Variants in NAV2 observed in about 807,000 individuals in gnomAD.
The protein encoded by NAV2 is helicase, APC down-regulated 1.
NAV2 carries 54 observed loss-of-function variants against 223.2 expected under a neutral mutation model. The observed-to-expected ratio is 0.24, with a 90% CI of 0.19 to 0.30. The LOEUF (loss-of-function observed/expected upper bound fraction) is 0.30. Among genes scored for constraint, NAV2 ranks in the 10% least tolerant of loss-of-function variants. The pLI is 1.00. For synonymous variants in NAV2, 1,279 were observed against 1,239.3 expected (o/e 1.03, Z -0.67); for missense variants, 2,806 against 3,147.5 (o/e 0.89, Z 2.60).
At chr11:20,035,858 G>A (rs1299017929) in intron 11 of NAV2, 101 bp from the exon 12 acceptor site, 5 of 1,404,736 alleles carry the variant, frequency 3.6e-6, no homozygotes, top group Non-Finnish European at 4.9e-6. Context: ...TCATGGCACA[G>A]ATTGGATCTT....
intron 1 of NAV2, among the ~76,000 whole-genome samples, chr11:19,402,164 AT>A (rs1849714368): frequency 6.6e-6 from 1 of 152,160 alleles, no homozygotes; most frequent in Non-Finnish European, 1.5e-5. Context: ...ACCTCTCTAG[AT>A]GGTAGGAGAA....
intron 10 of NAV2, among the ~76,000 whole-genome samples, chr11:19,962,098 A>G (rs902235546): frequency 6.6e-6 from 1 of 151,668 alleles, no homozygotes; most frequent in African/African-American, 2.4e-5. Flanking sequence ...GAGCTGCAAC[A>G]TCAACTCCTC....
chr11:19,688,117 A>G (rs1219185905), intron 1 of NAV2, among the ~76,000 whole-genome samples: 2 of 152,228 alleles, frequency 1.3e-5, no homozygotes, highest in East Asian at 1.9e-4. Context: ...GGGAAGGTCT[A>G]CCTAGAGTTG....
chr11:19,415,994 A>G (rs1850350577), intron 1 of NAV2, among the ~76,000 whole-genome samples: 1 of 152,218 alleles, frequency 6.6e-6, no homozygotes, highest in Admixed American at 6.5e-5. Context: ...CATCATACTA[A>G]ATGGGCAAAA....
At chr11:19,840,683 G>GT (rs996365789) in intron 2 of NAV2, among the ~76,000 whole-genome samples, 5 of 152,198 alleles carry the variant, frequency 3.3e-5, no homozygotes, top group African/African-American at 1.2e-4. Flanking sequence ...CAAGTGTTTG[G>GT]TTTTTTTGGA....
At position 19,933,193 on chromosome 11, in the gene NAV2, G is replaced by C. The variant is rs1423601403; in HGVS notation, c.949G>C (p.Ala317Pro). 3 of 1,536,452 alleles carry C rather than the reference G, an allele frequency of 2.0e-6. No homozygotes were observed. The African/African-American group carries it at 4.1e-5, about 21-fold the overall frequency. The part of the protein sequence containing the change: ...SHEKEPLASS[A>P]SSHPGMSDNA... ...CTCTGCAGAGCCTTTGGCAAGTTCA[G>C]CCTCCTCCCACCCCGGAATGAGTGA... Residue 317 changes from alanine to proline, a missense_variant, in exon 7 of 38, where the codon GCC becomes CCC. Transcript: ENST00000349880. The surrounding 1 kb of genome is among the most constrained non-coding windows in gnomAD (Gnocchi z 4.3).
At chr11:19,558,471 A>C (rs7113364) in intron 1 of NAV2, among the ~76,000 whole-genome samples, 14,282 of 152,236 alleles carry the variant, frequency 0.094, 2,244 homozygotes, top group African/African-American at 0.33. Flanking sequence ...ATCAGGTTCA[A>C]GAGGTTGAAA....
intron 1 of NAV2, among the ~76,000 whole-genome samples, chr11:19,768,928 G>A (rs2055468208): frequency 6.6e-6 from 1 of 152,174 alleles, no homozygotes; most frequent in Non-Finnish European, 1.5e-5. Flanking sequence ...CACTTGTCTT[G>A]AGAACCTATG....
chr11:19,353,413 G>A (rs972862705), intron 1 of NAV2, among the ~76,000 whole-genome samples: 6 of 152,166 alleles, frequency 3.9e-5, no homozygotes, highest in Non-Finnish European at 7.4e-5. Flanking sequence ...GTGGGTACGT[G>A]CATATACCTT....
chr11:19,570,771 A>T (rs986178645), intron 1 of NAV2, among the ~76,000 whole-genome samples: 1 of 152,354 alleles, frequency 6.6e-6, no homozygotes, highest in Admixed American at 6.5e-5. Flanking sequence ...TACAATTTTT[A>T]AAAAATTGAA....
chr11:19,532,352 GT>G (rs1184595425), intron 1 of NAV2, among the ~76,000 whole-genome samples: 1 of 152,130 alleles, frequency 6.6e-6, no homozygotes, highest in African/African-American at 2.4e-5. Flanking sequence ...TTTCTCATCA[GT>G]AATATGCAAG....
chr11:19,972,428 C>T (rs2049329078), intron 10 of NAV2, among the ~76,000 whole-genome samples: 1 of 152,176 alleles, frequency 6.6e-6, no homozygotes, highest in African/African-American at 2.4e-5. Context: ...CCCTTGAAGG[C>T]CAAAGGTCTA....
At chr11:19,377,227 G>C (rs7111228) in intron 1 of NAV2, among the ~76,000 whole-genome samples, 1 of 152,180 alleles carries the variant, frequency 6.6e-6, no homozygotes, top group Admixed American at 6.5e-5. Flanking sequence ...AGGGCAAATA[G>C]GAATGTTGTC....
At chr11:19,743,102 CT>C (rs1402651654) in intron 1 of NAV2, among the ~76,000 whole-genome samples, 2 of 152,128 alleles carry the variant, frequency 1.3e-5, no homozygotes, top group Non-Finnish European at 2.9e-5. Flanking sequence ...TCTACTCCCC[CT>C]ATTTGGGATT....
chr11:19,385,332 T>A (rs1424406059), intron 1 of NAV2, among the ~76,000 whole-genome samples: 2 of 152,198 alleles, frequency 1.3e-5, no homozygotes. Flanking sequence ...CATGCACTTA[T>A]CCAACAGTTA....
chr11:19,727,321 A>T (rs1415896620), intron 1 of NAV2, among the ~76,000 whole-genome samples: 2 of 152,164 alleles, frequency 1.3e-5, no homozygotes, highest in Non-Finnish European at 2.9e-5. Flanking sequence ...GCCTCTCTAG[A>T]TCCTTCAGCA....
Position 19,651,468 on chromosome 11 carries a change from T to C in NAV2, c.76-181016T>C, listed in dbSNP as rs2047966201. Reference sequence around the variant, plus strand: ...GTAAGACGTGCTTGTTGGAATGTCCTTCACTGCACACCCCACCGGGCCACA... The same window carrying C: ...GTAAGACGTGCTTGTTGGAATGTCCCTCACTGCACACCCCACCGGGCCACA... On this transcript the variant is annotated intron_variant, in intron 1 of 37. Coordinates refer to the NAV2 transcript ENST00000360655. Among the ~76,000 whole-genome samples, 4 of 152,346 alleles carry C rather than the reference T, an allele frequency of 2.6e-5. 1 individual carries two copies. In the South Asian group the frequency reaches 8.3e-4, roughly 32 times the overall value.
chr11:19,710,347 C>T (rs550919903), upstream of NAV2, among the ~76,000 whole-genome samples: 1 of 152,292 alleles, frequency 6.6e-6, no homozygotes, highest in Admixed American at 6.5e-5. Context: ...GAATCTCAGC[C>T]CCATTCTAGA....
At chr11:20,078,331 G>A (rs547995697) in intron 24 of NAV2, among the ~76,000 whole-genome samples, 20 of 152,340 alleles carry the variant, frequency 1.3e-4, no homozygotes, top group African/African-American at 4.6e-4. Context: ...CTGAAAAATG[G>A]AAGAAAACAT....
Sources: allele counts gnomAD v4.1 joint callset (sites outside exome capture counted in the v4.1 genomes callset), GRCh38; gene constraint gnomAD v4.1.1; non-coding constraint Gnocchi (gnomAD v3.1); transcripts MANE v1.5; gene names NCBI Gene and HGNC (gene_info 2026-07-23, HGNC 2026-07-21).